The following PSMA1 variants were observed in gnomAD, a reference collection of about 807,000 sequenced individuals.
PSMA1 encodes proteasome subunit alpha type-1.
In PSMA1, 3 loss-of-function variants were observed where a neutral mutation model predicts 38.4. The ratio of observed to expected loss-of-function variants is 0.08; its 90% CI spans 0.04 to 0.20. The LOEUF (loss-of-function observed/expected upper bound fraction) is 0.20. PSMA1 is among the 10% of genes least tolerant of loss of function. The pLI is 1.00. For missense variants in PSMA1, 227 were observed against 325.3 expected (o/e 0.70, Z 2.32); for synonymous variants, 101 against 107.1 (o/e 0.94, Z 0.35).
intron 2 of PSMA1, among the ~76,000 whole-genome samples, chr11:14,537,518 T>C (rs1851722524): frequency 6.7e-6 from 1 of 148,512 alleles, no homozygotes; most frequent in Non-Finnish European, 1.5e-5. Context: ...TGATACAGAG[T>C]AGGAAGTTGC....
chr11:14,577,562 G>T (rs1025399797), intron 2 of PSMA1, among the ~76,000 whole-genome samples: 1 of 152,104 alleles, frequency 6.6e-6, no homozygotes, highest in African/African-American at 2.4e-5. Context: ...CTCCAGAGAA[G>T]TTATAAAACA....
intron 1 of PSMA1, chr11:14,519,301 A>T: frequency 1.9e-6 from 1 of 516,832 alleles, no homozygotes. Flanking sequence ...CAACCCCTTT[A>T]GGCTCAATTA....
intron 1 of PSMA1, among the ~76,000 whole-genome samples, chr11:14,630,462 T>C (rs1330818325): frequency 2.0e-5 from 3 of 152,210 alleles, no homozygotes; most frequent in African/African-American, 7.2e-5. Flanking sequence ...TATGCTGGAT[T>C]ACATTTATTG....
upstream of PSMA1, among the ~76,000 whole-genome samples, chr11:14,524,981 C>G (rs1428626061): frequency 1.3e-5 from 2 of 152,236 alleles, no homozygotes; most frequent in East Asian, 3.9e-4. Flanking sequence ...TCGGAAGCCT[C>G]CTGGACCATC....
rs1174259681 is a variant in PSMA1 at position 14,592,372 on chromosome 11, CTCTCTA to C, written c.21+18588_21+18593del. ...TGACACAGTCTCTCTCTCTCTCTCT[CTCTCTA>C]TATATATATATATATATTTTTTTTT... On this transcript the variant is annotated intron_variant, in intron 2 of 10. Transcript: ENST00000418988. Among the ~76,000 whole-genome samples, 665 of 111,508 alleles carry C rather than the reference CTCTCTA, an allele frequency of 6.0e-3. 6 individuals carry two copies. The highest frequency in any genetic ancestry group is 0.035 in the East Asian group (141 of 4,062). 73.2% of individuals were successfully genotyped at this position (111,508 alleles called of 152,430 possible). A position where few individuals can be genotyped will look rare whatever the true frequency, so the allele number is the denominator to read the frequency against.
intron 2 of PSMA1, among the ~76,000 whole-genome samples, chr11:14,602,301 T>C (rs1288181272): frequency 1.3e-5 from 2 of 152,136 alleles, no homozygotes. Context: ...ACCAAGCTTT[T>C]TGGGAGTAGC....
chr11:14,595,845 A>C (rs1852484460), intron 2 of PSMA1, among the ~76,000 whole-genome samples: 1 of 152,176 alleles, frequency 6.6e-6, no homozygotes, highest in African/African-American at 2.4e-5. Context: ...GGTATTGCCT[A>C]GGTTTTCTTC....
intron 2 of PSMA1, among the ~76,000 whole-genome samples, chr11:14,545,141 T>C (rs1353300412): frequency 2.0e-5 from 3 of 152,220 alleles, no homozygotes; most frequent in African/African-American, 7.2e-5. Context: ...GTGGATTGTA[T>C]ACTTTAAGTG....
chr11:14,575,260 T>C (rs1449763112), intron 2 of PSMA1, among the ~76,000 whole-genome samples: 1 of 152,180 alleles, frequency 6.6e-6, no homozygotes, highest in Non-Finnish European at 1.5e-5. Context: ...AAAAAATTTA[T>C]TATAGTTTAA....
At chr11:14,597,732 TTG>T (rs1852518461) in intron 2 of PSMA1, among the ~76,000 whole-genome samples, 1 of 152,348 alleles carries the variant, frequency 6.6e-6, no homozygotes, top group African/African-American at 2.4e-5. Flanking sequence ...GAAGGTTTTT[TTG>T]TGTCTCTATC....
intron 2 of PSMA1, among the ~76,000 whole-genome samples, chr11:14,547,481 T>C (rs1388697169): frequency 6.6e-6 from 1 of 152,134 alleles, no homozygotes; most frequent in Non-Finnish European, 1.5e-5. Flanking sequence ...GGTTAAATGG[T>C]CATTATAGTT....
chr11:14,606,036 T>C (rs997668523), intron 2 of PSMA1, among the ~76,000 whole-genome samples: 4 of 152,250 alleles, frequency 2.6e-5, no homozygotes, highest in Non-Finnish European at 5.9e-5. Context: ...TTTTAATCCA[T>C]CTTGAGTTAA....
At chr11:14,583,271 T>C (rs1852304122) in intron 2 of PSMA1, among the ~76,000 whole-genome samples, 1 of 152,210 alleles carries the variant, frequency 6.6e-6, no homozygotes, top group Admixed American at 6.5e-5. Context: ...TGACAGATCA[T>C]TGAGTTCAGA....
At chr11:14,602,974 C>G (rs928282081) in intron 2 of PSMA1, among the ~76,000 whole-genome samples, 1 of 152,186 alleles carries the variant, frequency 6.6e-6, no homozygotes, top group Non-Finnish European at 1.5e-5. Context: ...TTCACCCACA[C>G]TATAGATGTG....
At chr11:14,609,850 A>C (rs1181569132) in intron 2 of PSMA1, among the ~76,000 whole-genome samples, 1 of 152,196 alleles carries the variant, frequency 6.6e-6, no homozygotes, top group Non-Finnish European at 1.5e-5. Context: ...GACTTGAATT[A>C]ACACGATCAC....
chr11:14,579,864 C>A (rs1004674962), intron 2 of PSMA1, among the ~76,000 whole-genome samples: 2 of 152,134 alleles, frequency 1.3e-5, no homozygotes, highest in African/African-American at 4.8e-5. Flanking sequence ...GCTACACACC[C>A]ACATGTGTTT....
chr11:14,642,155 A>G (rs972745149), intron 1 of PSMA1, among the ~76,000 whole-genome samples: 1 of 152,198 alleles, frequency 6.6e-6, no homozygotes, highest in Non-Finnish European at 1.5e-5. Context: ...TAATTTTCAA[A>G]TCAATTTATT....
intron 2 of PSMA1, among the ~76,000 whole-genome samples, chr11:14,530,499 C>T (rs1851635550): frequency 6.6e-6 from 1 of 152,200 alleles, no homozygotes; most frequent in Admixed American, 6.5e-5. Flanking sequence ...CTTATTTGTT[C>T]ATATGTTGTC....
Position 14,514,214 on chromosome 11 carries a change from A to C in PSMA1, c.343+189T>G, listed in dbSNP as rs1851390548. The C allele has an allele frequency of 3.0e-6, 4 of 1,349,334 alleles. No homozygotes were observed. The East Asian group carries it at 8.8e-5, about 30-fold the overall frequency. 83.6% of individuals were successfully genotyped at this position (1,349,334 alleles called of 1,614,324 possible). On this transcript the variant is annotated intron_variant, in intron 5 of 9. Coordinates refer to ENST00000396394, the MANE Select transcript of PSMA1 (RefSeq NM_002786.4). ...AAAAGATGCTTAGATGATTTTCCTGAAGTTGGGCTTATTTGTGTCTAGCAA... is the reference window on the plus strand; with the variant it reads ...AAAAGATGCTTAGATGATTTTCCTGCAGTTGGGCTTATTTGTGTCTAGCAA...
Sources: allele counts gnomAD v4.1 joint callset (sites outside exome capture counted in the v4.1 genomes callset), GRCh38; gene constraint gnomAD v4.1.1; transcripts MANE v1.5; gene names NCBI Gene and HGNC (gene_info 2026-07-23, HGNC 2026-07-21).